The following NDNF variants were observed in gnomAD, a reference collection of about 807,000 sequenced individuals.
NDNF encodes protein NDNF.
Under a neutral mutation model 42.0 loss-of-function variants are expected in NDNF, and 16 were observed. That is an observed-to-expected ratio of 0.38 (90% confidence interval 0.26 to 0.58). The LOEUF is 0.58. NDNF is among the 20% of genes least tolerant of loss of function. NDNF has a pLI of 0.67. For missense variants in NDNF, 616 were observed against 666.2 expected, an observed-to-expected ratio of 0.92 and a Z score of 0.83; for synonymous variants, 248 against 251.7, an observed-to-expected ratio of 0.99 and a Z score of 0.14.
chr4:121,037,236 C>T lies in NDNF; in HGVS notation c.735G>A (p.Leu245=), dbSNP rs1156604684. The T allele has an allele frequency of 3.1e-6, 5 of 1,614,008 alleles. No homozygotes were observed. The highest frequency in any genetic ancestry group is 4.2e-6 in the Non-Finnish European group (5 of 1,179,992). The change falls in exon 4 of 4, where the codon CTG becomes CTA. Residue 245 remains leucine (L), a synonymous_variant. Transcript: ENST00000379692. ...DAFMMAPKPG[L]DFSPFDFAHF... ...GGGCAAAGTCAAAGGGGCTGAAGTC[C>T]AGACCAGGTTTCGGTGCCATCATAA...
At chr4:121,053,001 G>A (rs539760612) in intron 1 of NDNF, among the ~76,000 whole-genome samples, 2 of 152,248 alleles carry the variant, frequency 1.3e-5, no homozygotes, top group South Asian at 2.1e-4. Flanking sequence ...CTCACTCTGC[G>A]ATAACATGCC....
At chr4:121,067,064 TAA>T (rs1727511311) in intron 1 of NDNF, among the ~76,000 whole-genome samples, 2 of 152,224 alleles carry the variant, frequency 1.3e-5, no homozygotes, top group Non-Finnish European at 2.9e-5. Flanking sequence ...TTTTTATATT[TAA>T]AAGTCTCCAC....
Position 121,036,393 on chromosome 4 carries a change from T to C in NDNF, c.1578A>G (p.Ala526=), listed in dbSNP as rs1441983507. Residue 526 remains alanine, a synonymous_variant, in exon 4 of 4, where the codon GCA becomes GCG. Transcript: ENST00000379692. ...GACCTTTAATTGTTTCTGTGGTCAC[T>C]GCTTTCTGCAGGTTTTGACTGTGGA... is the stretch of plus-strand genomic sequence containing the variant. ...KYFHSQNLQK[A]VTTETIKGLQ... 3 of 1,614,070 alleles carry C rather than the reference T, an allele frequency of 1.9e-6. No individual in the cohort carries two copies. Among genetic ancestry groups the C allele is most frequent in the East Asian group, 2.2e-5 (1 of 44,900 alleles).
At chr4:121,050,632 G>GT (rs1376696335) in intron 1 of NDNF, among the ~76,000 whole-genome samples, 1 of 152,090 alleles carries the variant, frequency 6.6e-6, no homozygotes, top group African/African-American at 2.4e-5. Context: ...CAACCCAAAA[G>GT]AACTTGGTAG....
intron 1 of NDNF, among the ~76,000 whole-genome samples, chr4:121,049,345 C>T (rs1266874164): frequency 6.6e-6 from 1 of 152,128 alleles, no homozygotes; most frequent in African/African-American, 2.4e-5. Context: ...TGGCTACCAC[C>T]GATTATAGAA....
chr4:121,045,703 T>A lies in NDNF; in HGVS notation c.135A>T (p.Val45=). Residue 45 remains valine (V), a synonymous_variant, in exon 2 of 4, where the codon GTA becomes GTT. Coordinates refer to ENST00000379692, the MANE Select transcript of NDNF (RefSeq NM_024574.4). ...RDKAFFHDSS[V]IPDGAEISSY... ...TGCTAATTTCAGCTCCATCTGGAAT[T>A]ACTGACGAATCATGAAAAAATGCCT... 1 of 1,614,228 alleles carries A rather than the reference T, an allele frequency of 6.2e-7. No individual in the cohort carries two copies. The highest frequency in any genetic ancestry group is 8.5e-7 in the Non-Finnish European group (1 of 1,180,046).
In NDNF at chr4:121,037,446, C is replaced by T. The variant is rs1560602398; in HGVS notation, c.525G>A (p.Glu175=). 7.4e-6 allele frequency: 12 copies of T among 1,614,128 alleles called. No individual in the cohort carries two copies. The highest frequency in any genetic ancestry group is 1.0e-5 in the Non-Finnish European group (12 of 1,180,026). Reference sequence around the variant, plus strand: ...CATCTACTCTTGGGTCATAGGGTAACTCAGGGTATGGCTGATCAGATTCTG... The same window carrying T: ...CATCTACTCTTGGGTCATAGGGTAATTCAGGGTATGGCTGATCAGATTCTG... ...TTPESDQPYP[E]LPYDPRVDVT... The change falls in exon 4 of 4, where the codon GAG becomes GAA. Residue 175 remains glutamate (E), a synonymous_variant. Coordinates refer to ENST00000379692, the MANE Select transcript of NDNF (RefSeq NM_024574.4).
chr4:121,056,143 C>G (rs1727290946), intron 1 of NDNF, among the ~76,000 whole-genome samples: 1 of 152,170 alleles, frequency 6.6e-6, no homozygotes, highest in Admixed American at 6.5e-5. Context: ...TACCATATAA[C>G]TTATGCTACT....
intron 1 of NDNF, among the ~76,000 whole-genome samples, chr4:121,061,841 C>A (rs979318381): frequency 2.0e-5 from 3 of 152,150 alleles, no homozygotes; most frequent in Admixed American, 6.6e-5. Flanking sequence ...TTGAAAAGGT[C>A]CTGATTAAAC....
intron 1 of NDNF, among the ~76,000 whole-genome samples, chr4:121,070,848 G>A (rs1432388679): frequency 3.3e-5 from 5 of 152,196 alleles, no homozygotes; most frequent in Non-Finnish European, 5.9e-5. Flanking sequence ...GAAATGGACA[G>A]CGCCCCGAAG....
chr4:121,039,958 C>A lies in NDNF; in HGVS notation c.285G>T (p.Leu95=), dbSNP rs1282549441. Residue 95 remains leucine, a synonymous_variant, in exon 3 of 4, where the codon CTG becomes CTT. Coordinates refer to ENST00000379692, the MANE Select transcript of NDNF (RefSeq NM_024574.4). ...AGCCTTCCCCGCTCCTGTCCTCTGG[C>A]AGCTCCTGGAGGCTCAGCTTCCACT... ...PLEWKLSLQE[L]PEDRSGEGSG... is the part of the protein sequence containing the mutation. 1.2e-6 allele frequency: 2 copies of A among 1,614,044 alleles called. No individual in the cohort carries two copies. Among genetic ancestry groups the A allele is most frequent in the Admixed American group, 3.3e-5 (2 of 60,012 alleles).
intron 1 of NDNF, among the ~76,000 whole-genome samples, chr4:121,050,975 A>G (rs1727183713): frequency 6.6e-6 from 1 of 152,172 alleles, no homozygotes; most frequent in South Asian, 2.1e-4. Context: ...ATCCAAAGTA[A>G]ATAACTAGTT....
At chr4:121,069,809 A>G (rs1172802901) in intron 1 of NDNF, among the ~76,000 whole-genome samples, 1 of 152,222 alleles carries the variant, frequency 6.6e-6, no homozygotes, top group Non-Finnish European at 1.5e-5. Context: ...TAGGCCCCTC[A>G]TTCCCAGTTG....
intron 3 of NDNF, chr4:121,037,900 A>G (rs1210365877): frequency 2.6e-6 from 1 of 380,550 alleles, no homozygotes. Context: ...ATTAGTAAAA[A>G]TTTTAGGTCA....
intron 1 of NDNF, among the ~76,000 whole-genome samples, chr4:121,048,794 C>T (rs754694131): frequency 1.1e-4 from 17 of 151,940 alleles, no homozygotes; most frequent in East Asian, 7.7e-4. Flanking sequence ...GCCAAGATCA[C>T]GCCACTGCAC....
In NDNF at chr4:121,037,094, T is replaced by C. The variant is rs148222810; in HGVS notation, c.877A>G (p.Ile293Val). 7 of 1,613,766 alleles carry C rather than the reference T, an allele frequency of 4.3e-6. No homozygotes were observed. In the African/African-American group the frequency reaches 5.3e-5, roughly 12 times the overall value. The change falls in exon 4 of 4, where the codon ATA becomes GTA. Residue 293 changes from isoleucine (I) to valine (V), a missense_variant. Physicochemically the swap from Ile to Val is conservative, Grantham distance 29 (BLOSUM62 3). Coordinates refer to ENST00000379692, the MANE Select transcript of NDNF (RefSeq NM_024574.4). ...RPKVDIQKIC[I>V]GNKNIFTVSD... is the part of the protein sequence containing the mutation. ...ACGGTGAAGATGTTCTTGTTTCCTATGCAGATTTTCTGAATATCAACCTTG... is the reference window on the plus strand; with the variant it reads ...ACGGTGAAGATGTTCTTGTTTCCTACGCAGATTTTCTGAATATCAACCTTG...
intron 1 of NDNF, among the ~76,000 whole-genome samples, chr4:121,057,456 G>A (rs115410052): frequency 2.2e-3 from 337 of 152,258 alleles, no homozygotes; most frequent in South Asian, 4.2e-3. Flanking sequence ...AGAGGGACAC[G>A]CTGCCAAGCC....
At chr4:121,060,560 G>T (rs987658809) in intron 1 of NDNF, among the ~76,000 whole-genome samples, 1 of 152,010 alleles carries the variant, frequency 6.6e-6, no homozygotes, top group Non-Finnish European at 1.5e-5. Flanking sequence ...TGGACCAGTG[G>T]ACTATTTAGG....
chr4:121,066,103 T>C (rs1397391414), intron 1 of NDNF, among the ~76,000 whole-genome samples: 1 of 152,160 alleles, frequency 6.6e-6, no homozygotes, highest in Non-Finnish European at 1.5e-5. Flanking sequence ...GTTAGTTCTA[T>C]TAGTATGGTG....
Sources: gnomAD v4.1 joint callset for allele counts (sites outside exome capture counted in the v4.1 genomes callset) on GRCh38, gnomAD v4.1.1 for gene constraint, MANE v1.5 for transcripts, NCBI Gene and HGNC (gene_info 2026-07-23, HGNC 2026-07-21) for gene names.